The following GABRA3 variants were observed in gnomAD, a reference collection of about 807,000 sequenced individuals.
The protein encoded by GABRA3 is gamma-aminobutyric acid type A receptor subunit alpha3.
GABRA3 carries 10 observed loss-of-function variants against 30.1 expected under a neutral mutation model. The ratio of observed to expected loss-of-function variants is 0.33; its 90% confidence interval spans 0.20 to 0.56. GABRA3 has a LOEUF of 0.56. GABRA3 is among the 20% of genes least tolerant of loss of function. The pLI is 0.89. For missense variants in GABRA3, 233 were observed against 392.0 expected, an observed-to-expected ratio of 0.59 and a Z score of 3.42; for synonymous variants, 151 against 146.8, an observed-to-expected ratio of 1.03 and a Z score of -0.21.
At chrX:152,396,924 T>C (rs1929675639) in intron 1 of GABRA3, among the ~76,000 whole-genome samples, 1 of 111,981 alleles carries the variant, frequency 8.9e-6, no homozygotes, top group African/African-American at 3.2e-5. Flanking sequence ...TCTTCTTATA[T>C]AGGAGCAGAT....
intron 5 of GABRA3, among the ~76,000 whole-genome samples, chrX:152,254,498 C>G (rs953110821): frequency 7.3e-5 from 8 of 110,099 alleles, no homozygotes; most frequent in African/African-American, 2.6e-4. Context: ...CCCCTCTTGA[C>G]CCTCATCTTC....
chrX:152,265,266 C>T (rs1938803207), intron 4 of GABRA3, among the ~76,000 whole-genome samples: 1 of 111,125 alleles, frequency 9.0e-6, no homozygotes, highest in Non-Finnish European at 1.9e-5. Flanking sequence ...AGCCTTAAAA[C>T]ATTAAAAAAA....
chrX:152,382,909 T>C (rs1306383477), intron 1 of GABRA3, among the ~76,000 whole-genome samples: 2 of 112,225 alleles, frequency 1.8e-5, no homozygotes, highest in East Asian at 5.6e-4. Context: ...CCATATTGTT[T>C]TGATTGATTA....
At chrX:152,302,139 A>G (rs908736633) in intron 3 of GABRA3, among the ~76,000 whole-genome samples, 1 of 111,396 alleles carries the variant, frequency 9.0e-6, no homozygotes, top group African/African-American at 3.3e-5. Flanking sequence ...AGATAAATAT[A>G]AGGATGTGGG....
intron 5 of GABRA3, among the ~76,000 whole-genome samples, chrX:152,229,397 C>G (rs1274714345): frequency 9.0e-6 from 1 of 110,968 alleles, no homozygotes; most frequent in Non-Finnish European, 1.9e-5. Flanking sequence ...CCCTTCTCCC[C>G]CACATACATA....
At chrX:152,241,283 G>C (rs199811877) in intron 5 of GABRA3, among the ~76,000 whole-genome samples, 2 of 87,534 alleles carry the variant, frequency 2.3e-5, no homozygotes, top group Non-Finnish European at 5.3e-5. Flanking sequence ...TGCCCCTGCT[G>C]GGGGGTGCCT....
chrX:152,335,423 A>G (rs191665471), intron 3 of GABRA3, among the ~76,000 whole-genome samples: 228 of 111,575 alleles, frequency 2.0e-3, no homozygotes, highest in Non-Finnish European at 3.7e-3. Flanking sequence ...CTCAAAAACA[A>G]GGGAGACTGT....
At chrX:152,405,968 G>A (rs190891956) in intron 1 of GABRA3, among the ~76,000 whole-genome samples, 55 of 110,954 alleles carry the variant, frequency 5.0e-4, no homozygotes, top group Admixed American at 4.4e-3. Flanking sequence ...GGAGAGACAG[G>A]CTGCTTCTAA....
chrX:152,421,633 C>T (rs935579724), intron 1 of GABRA3, among the ~76,000 whole-genome samples: 3 of 110,938 alleles, frequency 2.7e-5, no homozygotes, highest in East Asian at 2.8e-4. Context: ...AGATAACATG[C>T]AATACATATA....
rs140481385 is a variant in GABRA3, at chrX:152,272,122, G to C, written c.330+12546C>G. ...ACTGCCTAGTGGAGCTGTGAGAAGA[G>C]AGCCAGCATCCTGCAGACCCCAGAA... On this transcript the variant is annotated intron_variant, in intron 4 of 9. Transcript: ENST00000370314. Among the ~76,000 whole-genome samples the C allele has an allele frequency of 3.9e-3, 437 of 111,652 alleles. 3 individuals carry two copies. Among genetic ancestry groups the C allele is most frequent in the African/African-American group, 0.014 (415 of 30,718 alleles).
intron 1 of GABRA3, among the ~76,000 whole-genome samples, chrX:152,404,047 C>T (rs774669111): frequency 9.0e-6 from 1 of 110,730 alleles, no homozygotes; most frequent in South Asian, 3.9e-4. Flanking sequence ...GAGTTTGGGG[C>T]CCAGTAAGGT....
Position 152,436,691 on chromosome X carries a change from A to G in GABRA3, c.-27+14455T>C, listed in dbSNP as rs193146318. Among the ~76,000 whole-genome samples the G allele has an allele frequency of 1.3e-3, 146 of 111,580 alleles. 1 individual carries two copies. Among genetic ancestry groups the G allele is most frequent in the South Asian group, 6.0e-3 (16 of 2,668 alleles). ...ACTGGACATACATAAGGAAAAATATATTGTATATGCCTGGAACATTACCTT... is the reference window on the plus strand; with the variant it reads ...ACTGGACATACATAAGGAAAAATATGTTGTATATGCCTGGAACATTACCTT... On this transcript the variant is annotated intron_variant, in intron 1 of 9. Transcript: ENST00000370314.
At chrX:152,414,733 A>G (rs1930162953) in intron 1 of GABRA3, among the ~76,000 whole-genome samples, 1 of 110,509 alleles carries the variant, frequency 9.0e-6, no homozygotes, top group Admixed American at 9.7e-5. Context: ...AGCCTACACA[A>G]AAATGTTTAT....
At chrX:152,350,873 G>T (rs1001746521) in intron 2 of GABRA3, among the ~76,000 whole-genome samples, 7 of 112,174 alleles carry the variant, frequency 6.2e-5, no homozygotes, top group Non-Finnish European at 1.1e-4. Context: ...AAGAATGGAT[G>T]TTGTATTGTA....
intron 5 of GABRA3, among the ~76,000 whole-genome samples, chrX:152,241,710 C>T (rs1348932220): frequency 5.5e-5 from 6 of 109,175 alleles, no homozygotes; most frequent in Non-Finnish European, 9.6e-5. Context: ...TCTCGTGGTG[C>T]GCCGTTTCTT....
intron 5 of GABRA3, among the ~76,000 whole-genome samples, chrX:152,248,004 C>T (rs1194442847): frequency 3.6e-5 from 4 of 110,868 alleles, no homozygotes; most frequent in South Asian, 3.8e-4. Context: ...ACATTCTCAA[C>T]GCACCTTTTT....
At chrX:152,230,884 G>A (rs1938055010) in intron 5 of GABRA3, among the ~76,000 whole-genome samples, 1 of 110,218 alleles carries the variant, frequency 9.1e-6, no homozygotes, top group African/African-American at 3.3e-5. Context: ...GTTATCTTGA[G>A]TTGCACAAAG....
intron 4 of GABRA3, among the ~76,000 whole-genome samples, chrX:152,266,254 TCAA>T (rs1383147722): frequency 2.7e-5 from 3 of 111,548 alleles, no homozygotes; most frequent in Non-Finnish European, 3.8e-5. Flanking sequence ...CAAACCAAAT[TCAA>T]CAACACATTA....
At chrX:152,356,291 G>T (rs977192908) in intron 2 of GABRA3, among the ~76,000 whole-genome samples, 1 of 112,068 alleles carries the variant, frequency 8.9e-6, no homozygotes, top group Non-Finnish European at 1.9e-5. Context: ...GTTATACAAA[G>T]TACTGGTCGA....
Sources: allele counts gnomAD v4.1 joint callset (sites outside exome capture counted in the v4.1 genomes callset), GRCh38; gene constraint gnomAD v4.1.1; transcripts MANE v1.5; gene names NCBI Gene and HGNC (gene_info 2026-07-23, HGNC 2026-07-21).